Variants in TXNDC16 observed in about 807,000 individuals in gnomAD.
TXNDC16 encodes the protein thioredoxin domain containing 16, also known as thioredoxin domain-containing protein 16.
A neutral mutation model predicts 85.6 loss-of-function variants in TXNDC16; 74 were observed. The observed-to-expected ratio is 0.86, with a 90% CI of 0.72 to 1.05. TXNDC16 has a LOEUF of 1.05. Ranked by LOEUF, TXNDC16 falls within the 50% of genes least tolerant of loss-of-function variation. TXNDC16 has a pLI of 0.00. For synonymous variants in TXNDC16, 335 were observed against 326.5 expected, an observed-to-expected ratio of 1.03 and a Z score of -0.28; for missense variants, 959 against 947.0, an observed-to-expected ratio of 1.01 and a Z score of -0.17.
chr14:52,507,522 T>C (rs2036841022), intron 9 of TXNDC16, among the ~76,000 whole-genome samples: 1 of 152,196 alleles, frequency 6.6e-6, no homozygotes, highest in Admixed American at 6.5e-5. Context: ...GCCAACCCCA[T>C]CAAGCTACCA....
In TXNDC16 at chr14:52,542,505, A is replaced by C. The variant is rs767529610; in HGVS notation, c.161-52T>G. 1.8e-5 allele frequency: 24 copies of C among 1,348,210 alleles called. No homozygotes were observed. In the East Asian group the frequency reaches 2.3e-4, roughly 13 times the overall value. 83.5% of individuals were successfully genotyped at this position (1,348,210 alleles called of 1,614,324 possible). ...TTTATGAATTGCCCCTTAAAAATGA[A>C]TTTTAAAATCTGCAAACACAGAATA... On this transcript the variant is annotated intron_variant, in intron 3 of 20. Coordinates refer to ENST00000281741, the MANE Select transcript of TXNDC16 (RefSeq NM_020784.3).
intron 13 of TXNDC16, among the ~76,000 whole-genome samples, chr14:52,482,613 A>G (rs1479462040): frequency 6.6e-6 from 1 of 152,182 alleles, no homozygotes; most frequent in African/African-American, 2.4e-5. Flanking sequence ...ATGAACATCT[A>G]GTTTAATCAT....
In TXNDC16 at chr14:52,490,383, C is replaced by T; in HGVS notation, c.984+8G>A. ...AGATATTGTAGAACAATACATAAAACAACTAACCTCTTCTGCTCTTTTGAA... is the reference window on the plus strand; with the variant it reads ...AGATATTGTAGAACAATACATAAAATAACTAACCTCTTCTGCTCTTTTGAA... On this transcript the variant is annotated splice_region_variant and intron_variant, in intron 11 of 20. Transcript: ENST00000281741. 1 of 1,584,186 alleles carries T rather than the reference C, an allele frequency of 6.3e-7. No individual in the cohort carries two copies. Among genetic ancestry groups the T allele is most frequent in the Non-Finnish European group, 8.6e-7 (1 of 1,167,368 alleles).
At chr14:52,497,642 G>A (rs1299464084) in intron 9 of TXNDC16, among the ~76,000 whole-genome samples, 1 of 152,188 alleles carries the variant, frequency 6.6e-6, no homozygotes, top group Non-Finnish European at 1.5e-5. Flanking sequence ...CACTTTGGGA[G>A]GCTGAGGCGG....
Position 52,488,428 on chromosome 14 carries a change from T to C in TXNDC16, c.1043A>G (p.Glu348Gly). 6.2e-7 allele frequency: 1 copy of C among 1,612,832 alleles called. No individual in the cohort carries two copies. The highest frequency in any genetic ancestry group is 1.1e-5 in the South Asian group (1 of 91,016). ...TATTTCCTCAATGTGCATATTATTT[T>C]CCACATGAGATATTATTAAATCAAC... Reference protein sequence around the residue: ...HDVDLIISHVENNMHIEEIQE... With the variant: ...HDVDLIISHVGNNMHIEEIQE... Residue 348 changes from glutamate (E) to glycine (G), a missense_variant, in exon 12 of 21, where the codon GAA becomes GGA. Transcript: ENST00000281741.
chr14:52,543,510 T>G lies in TXNDC16; in HGVS notation c.48A>C (p.Ile16=). 1.2e-6 allele frequency: 2 copies of G among 1,613,638 alleles called. No individual in the cohort carries two copies. Among genetic ancestry groups the G allele is most frequent in the Non-Finnish European group, 1.7e-6 (2 of 1,179,714 alleles). The part of the protein sequence containing the change: ...NVFRVGISFV[I]MCIFYMPTVN... ...CTGTTGGCATGTAAAAAATGCACAT[T>G]ATGACAAAAGAGATCCCAACTCTAA... The change falls in exon 3 of 21, where the codon ATA becomes ATC. Residue 16 remains isoleucine (I), a synonymous_variant. Transcript: ENST00000281741.
At chr14:52,484,884 A>T (rs915659362) in intron 12 of TXNDC16, among the ~76,000 whole-genome samples, 1 of 152,212 alleles carries the variant, frequency 6.6e-6, no homozygotes, top group Non-Finnish European at 1.5e-5. Context: ...TCTGTCTCAA[A>T]AAAAAAGAAA....
chr14:52,489,474 A>G (rs8004586), intron 11 of TXNDC16, among the ~76,000 whole-genome samples: 15,386 of 152,132 alleles, frequency 0.1, 908 homozygotes, highest in East Asian at 0.18. Flanking sequence ...TTGCTATCAC[A>G]TATCTTCATT....
chr14:52,526,051 G>C (rs2037327964), intron 6 of TXNDC16, among the ~76,000 whole-genome samples: 1 of 151,860 alleles, frequency 6.6e-6, no homozygotes, highest in South Asian at 2.1e-4. Context: ...TCCGCTTATG[G>C]TTGAATCCAC....
At chr14:52,511,028 T>C (rs1255450769) in intron 9 of TXNDC16, among the ~76,000 whole-genome samples, 1 of 152,172 alleles carries the variant, frequency 6.6e-6, no homozygotes, top group Admixed American at 6.5e-5. Context: ...TGTCATTTAA[T>C]GAACAGTCTA....
At chr14:52,520,132 A>ATGGAAG (rs2140193754) in intron 6 of TXNDC16, among the ~76,000 whole-genome samples, 1 of 152,332 alleles carries the variant, frequency 6.6e-6, no homozygotes, top group South Asian at 2.1e-4. Context: ...ATTTGAAGAA[A>ATGGAAG]TGGAAGTTCA....
At chr14:52,541,921 G>A (rs2037839440) in intron 4 of TXNDC16, among the ~76,000 whole-genome samples, 1 of 152,124 alleles carries the variant, frequency 6.6e-6, no homozygotes, top group Non-Finnish European at 1.5e-5. Context: ...ATGCGAAAAA[G>A]TGAAACATAA....
intron 6 of TXNDC16, among the ~76,000 whole-genome samples, chr14:52,534,237 C>T (rs541205749): frequency 6.6e-6 from 1 of 152,294 alleles, no homozygotes; most frequent in African/African-American, 2.4e-5. Flanking sequence ...CTCTTATCTC[C>T]TGCTTCACAT....
chr14:52,478,388 G>C (rs1312757963), intron 14 of TXNDC16, among the ~76,000 whole-genome samples: 3 of 152,004 alleles, frequency 2.0e-5, no homozygotes, highest in African/African-American at 7.2e-5. Context: ...GAAACAAAAA[G>C]CTGGTTCTTT....
intron 16 of TXNDC16, among the ~76,000 whole-genome samples, chr14:52,457,441 A>T (rs545971712): frequency 6.6e-6 from 1 of 152,290 alleles, no homozygotes; most frequent in South Asian, 2.1e-4. Context: ...GCTTTATAGC[A>T]CTCTAATCAT....
chr14:52,434,313 C>A (rs1373126600), intron 20 of TXNDC16, among the ~76,000 whole-genome samples: 1 of 152,176 alleles, frequency 6.6e-6, no homozygotes, highest in African/African-American at 2.4e-5. Flanking sequence ...CCTGAAACAT[C>A]CCAATTCTGC....
rs572583365 is a variant in TXNDC16 at position 52,548,750 on chromosome 14, C to T, written c.-182+3566G>A. On this transcript the variant is annotated intron_variant, in intron 1 of 20. Coordinates refer to ENST00000281741, the MANE Select transcript of TXNDC16 (RefSeq NM_020784.3). Reference sequence around the variant, plus strand: ...ACAAAAAATTAGCTGGGCATAGTGGCAGGTACCTGTAATCCCAGCTACTCA... The same window carrying T: ...ACAAAAAATTAGCTGGGCATAGTGGTAGGTACCTGTAATCCCAGCTACTCA... Among the ~76,000 whole-genome samples the T allele has an allele frequency of 3.1e-4, 47 of 152,134 alleles. 2 individuals are homozygous for T. The South Asian group carries it at 9.3e-3, about 30-fold the overall frequency.
chr14:52,476,054 G>T (rs1254261202), intron 14 of TXNDC16, among the ~76,000 whole-genome samples: 4 of 152,100 alleles, frequency 2.6e-5, no homozygotes, highest in African/African-American at 7.2e-5. Flanking sequence ...AGACTTGCTG[G>T]GTGGCTAGAT....
chr14:52,468,012 G>T (rs2035816441), intron 16 of TXNDC16, among the ~76,000 whole-genome samples: 1 of 152,154 alleles, frequency 6.6e-6, no homozygotes, highest in African/African-American at 2.4e-5. Context: ...GATAAATACT[G>T]TATGATTCCA....
Sources: gnomAD v4.1 joint callset for allele counts (sites outside exome capture counted in the v4.1 genomes callset) on GRCh38, gnomAD v4.1.1 for gene constraint, MANE v1.5 for transcripts, NCBI Gene and HGNC (gene_info 2026-07-23, HGNC 2026-07-21) for gene names.